The following TAF12 variants were observed in gnomAD, a reference collection of about 807,000 sequenced individuals.
TAF12 encodes the protein transcription initiation factor TFIID subunit 12.
TAF12 carries 3 observed loss-of-function variants against 20.8 expected under a neutral mutation model. The ratio of observed to expected loss-of-function variants is 0.14; its 90% confidence interval spans 0.07 to 0.37. TAF12 has a LOEUF of 0.37. Ranked by LOEUF, TAF12 falls within the 10% of genes least tolerant of loss-of-function variation. The pLI is 1.00. For synonymous variants in TAF12, 69 were observed against 70.2 expected (o/e 0.98, Z 0.09); for missense variants, 131 against 197.9 (o/e 0.66, Z 2.03).
chr1:28,603,611 A>C (rs201439128), intron 5 of TAF12, 37 bp from the exon 6 acceptor site: 2 of 1,611,534 alleles, frequency 1.2e-6, no homozygotes, highest in East Asian at 4.5e-5. Flanking sequence ...ATACAGCAGC[A>C]GCTGGAGTCA....
intron 2 of TAF12, among the ~76,000 whole-genome samples, chr1:28,619,376 T>A (rs1288762725): frequency 4.0e-5 from 6 of 150,280 alleles, no homozygotes; most frequent in Non-Finnish European, 7.4e-5. Flanking sequence ...CGGGCGCCTG[T>A]AGTCCCAGCT....
chr1:28,638,491 A>ATTT (rs140717375), intron 1 of TAF12, among the ~76,000 whole-genome samples: 1 of 95,254 alleles, frequency 1.0e-5, no homozygotes, highest in Non-Finnish European at 2.2e-5. Flanking sequence ...GCCCGGCCTA[A>ATTT]TTTTTTTTTT....
intron 1 of TAF12, 196 bp downstream of exon 1, chr1:28,642,796 C>T (rs902287830): frequency 2.0e-6 from 2 of 985,482 alleles, no homozygotes; most frequent in South Asian, 4.7e-5. Flanking sequence ...CCCTAAGTCC[C>T]GTCTTAGAGC....
intron 1 of TAF12, among the ~76,000 whole-genome samples, chr1:28,623,619 C>G (rs150548209): frequency 3.9e-5 from 6 of 152,284 alleles, no homozygotes; most frequent in Non-Finnish European, 8.8e-5. Flanking sequence ...AGTCATAGCA[C>G]AATCACATCC....
At chr1:28,631,045 C>CAA (rs903921514) in intron 1 of TAF12, among the ~76,000 whole-genome samples, 68 of 52,738 alleles carry the variant, frequency 1.3e-3, no homozygotes, top group African/African-American at 2.6e-3. Flanking sequence ...ACTCCGTCTC[C>CAA]AAAAAAAAAA....
At chr1:28,620,845 G>A (rs1667199042) in intron 2 of TAF12, among the ~76,000 whole-genome samples, 1 of 152,054 alleles carries the variant, frequency 6.6e-6, no homozygotes. Flanking sequence ...TGTTAATGAT[G>A]TCTCATATCT....
chr1:28,643,208 T>C, upstream of TAF12: 4 of 700,604 alleles, frequency 5.7e-6, no homozygotes, highest in Non-Finnish European at 7.0e-6. Context: ...TTGAGCTGTG[T>C]GTAGGTACAC....
chr1:28,630,423 G>A (rs934339092), intron 1 of TAF12, among the ~76,000 whole-genome samples: 1 of 151,808 alleles, frequency 6.6e-6, no homozygotes. Flanking sequence ...GCGTGGTGGC[G>A]TGCGCCTGTA....
At position 28,621,958 on chromosome 1, in the gene TAF12, C is replaced by T; in HGVS notation, c.124G>A (p.Gly42Ser). ...AGACGACCTCCTGCCCCAGGAGTGC[C>T]TGGTATCTTTACCACTGCAGTACTA... ...ANSTAVVKIP[G>S]TPGAGGRLSP... The change falls in exon 2 of 6, where the codon GGC (glycine) becomes AGC (serine). Residue 42 changes from glycine to serine, a missense_variant. By Grantham distance (56) the Gly-to-Ser change is moderately conservative (BLOSUM62 0). Around this residue, in one of 3 missense-constraint regions of TAF12, gnomAD observed 63 missense variants for 72.1 expected, o/e 0.87. Coordinates refer to ENST00000373824, the MANE Select transcript of TAF12 (RefSeq NM_005644.4). The T allele has an allele frequency of 6.2e-7, 1 of 1,613,818 alleles. No individual in the cohort carries two copies. The highest frequency in any genetic ancestry group is 8.5e-7 in the Non-Finnish European group (1 of 1,179,964).
At chr1:28,617,919 G>A in intron 3 of TAF12, 34 bp downstream of exon 3, 1 of 1,604,582 alleles carries the variant, frequency 6.2e-7, no homozygotes, top group Non-Finnish European at 8.5e-7. Context: ...CGGTTCTCAG[G>A]GACCAGTTTC....
chr1:28,611,047 A>T (rs1179351484), intron 4 of TAF12, among the ~76,000 whole-genome samples: 1 of 151,880 alleles, frequency 6.6e-6, no homozygotes, highest in Admixed American at 6.6e-5. Context: ...CTCAAAGAAT[A>T]GAATTCACCA....
chr1:28,607,974 T>C (rs377188399), intron 4 of TAF12, among the ~76,000 whole-genome samples: 97 of 151,708 alleles, frequency 6.4e-4, no homozygotes, highest in African/African-American at 2.2e-3. Context: ...TCCTATCTAC[T>C]AAAAATACAA....
chr1:28,643,072 G>C (rs970648511), upstream of TAF12: 1 of 985,902 alleles, frequency 1.0e-6, no homozygotes, highest in Admixed American at 6.1e-5. Context: ...CCGACTGCGC[G>C]GCCCTCCCCG....
At chr1:28,646,500 A>C (rs1277452116), upstream of TAF12, 1 of 152,086 alleles carries the variant, frequency 6.6e-6, no homozygotes, top group Non-Finnish European at 1.5e-5. Context: ...CTAACAGTCT[A>C]TATTTTGTGT....
At chr1:28,627,941 GATTTTA>G (rs538029080) in intron 1 of TAF12, among the ~76,000 whole-genome samples, 62 of 152,148 alleles carry the variant, frequency 4.1e-4, no homozygotes, top group African/African-American at 1.4e-3. Flanking sequence ...GATATGGCAA[GATTTTA>G]AAACTGTAAC....
chr1:28,623,927 T>G (rs2124343876), intron 1 of TAF12: 1 of 982,808 alleles, frequency 1.0e-6, no homozygotes, highest in African/African-American at 1.7e-5. Context: ...CTGCTCACAG[T>G]AGCCTCAAAC....
At chr1:28,640,912 C>CA (rs1280814328) in intron 1 of TAF12, among the ~76,000 whole-genome samples, 2 of 151,934 alleles carry the variant, frequency 1.3e-5, no homozygotes, top group African/African-American at 2.4e-5. Context: ...ACTGTCTCTA[C>CA]AAAAAAACTT....
intron 1 of TAF12, among the ~76,000 whole-genome samples, chr1:28,638,530 A>G (rs1233529519): frequency 7.3e-6 from 1 of 137,324 alleles, no homozygotes; most frequent in Non-Finnish European, 1.5e-5. Flanking sequence ...TCACTCTGTC[A>G]CCCAGGCTGG....
At chr1:28,634,981 C>T (rs911111573) in intron 1 of TAF12, among the ~76,000 whole-genome samples, 4 of 150,970 alleles carry the variant, frequency 2.6e-5, no homozygotes, top group African/African-American at 9.7e-5. Flanking sequence ...AATCCCAGCA[C>T]TTTGGGAGGC....
Sources: gnomAD v4.1 joint callset for allele counts (sites outside exome capture counted in the v4.1 genomes callset) on GRCh38, gnomAD v4.1.1 for gene constraint, gnomAD v4.1.1 regional missense constraint, MANE v1.5 for transcripts, NCBI Gene and HGNC (gene_info 2026-07-23, HGNC 2026-07-21) for gene names.